The following DLG2 variants were observed in gnomAD, a reference collection of about 807,000 sequenced individuals.
The protein encoded by DLG2 is disks large homolog 2.
Under a neutral mutation model 132.5 loss-of-function variants are expected in DLG2, and 45 were observed. The observed-to-expected ratio is 0.34, with a 90% CI of 0.27 to 0.44. The LOEUF (loss-of-function observed/expected upper bound fraction) is 0.44. DLG2 is among the 20% of genes least tolerant of loss of function. The pLI is 1.00. For missense variants in DLG2, 1,045 were observed against 1,196.9 expected (o/e 0.87, Z 1.87); for synonymous variants, 424 against 419.6 (o/e 1.01, Z -0.13).
At chr11:85,562,297 CA>C (rs2077297855) in intron 3 of DLG2, among the ~76,000 whole-genome samples, 1 of 151,594 alleles carries the variant, frequency 6.6e-6, no homozygotes, top group Admixed American at 6.6e-5. Context: ...CTGAAAAGAA[CA>C]AGTTTTAAAT....
chr11:84,205,692 C>G (rs1462201555), intron 8 of DLG2, among the ~76,000 whole-genome samples: 1 of 151,890 alleles, frequency 6.6e-6, no homozygotes. Context: ...TTGGACTCAG[C>G]TAAAGTGGTG....
At chr11:83,703,224 T>C (rs972785819) in intron 18 of DLG2, among the ~76,000 whole-genome samples, 4 of 152,168 alleles carry the variant, frequency 2.6e-5, no homozygotes, top group African/African-American at 9.7e-5. Context: ...ATCACACAAA[T>C]TCTATAATCT....
intron 6 of DLG2, among the ~76,000 whole-genome samples, chr11:84,979,852 C>A (rs991381224): frequency 2.0e-5 from 3 of 151,790 alleles, no homozygotes; most frequent in African/African-American, 7.3e-5. Context: ...AAAAACTAGG[C>A]TTTGTTATTG....
intron 7 of DLG2, among the ~76,000 whole-genome samples, chr11:84,511,686 T>A (rs1591259681): frequency 6.6e-6 from 1 of 152,154 alleles, no homozygotes; most frequent in Admixed American, 6.6e-5. Flanking sequence ...AAGTAACCAC[T>A]GAGGAGTCTA....
At chr11:85,608,088 G>C (rs771682330) in intron 2 of DLG2, among the ~76,000 whole-genome samples, 2 of 152,178 alleles carry the variant, frequency 1.3e-5, no homozygotes, top group Non-Finnish European at 2.9e-5. Context: ...TGTGGTCTAG[G>C]AGGAAAACTA....
intron 3 of DLG2, among the ~76,000 whole-genome samples, chr11:85,487,065 C>T (rs1477832871): frequency 6.8e-6 from 1 of 147,644 alleles, no homozygotes; most frequent in Non-Finnish European, 1.5e-5. Context: ...ACAGAGATCA[C>T]ACTACTTGCT....
At chr11:83,650,482 A>T (rs2069865999) in intron 18 of DLG2, among the ~76,000 whole-genome samples, 1 of 152,312 alleles carries the variant, frequency 6.6e-6, no homozygotes, top group African/African-American at 2.4e-5. Flanking sequence ...AGCCTTGCTC[A>T]CACCTTGACT....
intron 4 of DLG2, among the ~76,000 whole-genome samples, chr11:85,248,575 T>C (rs1387024380): frequency 6.6e-6 from 1 of 151,846 alleles, no homozygotes; most frequent in Non-Finnish European, 1.5e-5. Flanking sequence ...TCTGAGGTGG[T>C]TGTGTTAGGG....
At chr11:84,999,942 A>T (rs1255089095) in intron 6 of DLG2, among the ~76,000 whole-genome samples, 1 of 152,104 alleles carries the variant, frequency 6.6e-6, no homozygotes, top group Admixed American at 6.6e-5. Context: ...AAAATTCAAG[A>T]ATTTATTCAC....
chr11:85,393,083 AAAC>A (rs2086946050), intron 3 of DLG2, among the ~76,000 whole-genome samples: 1 of 152,120 alleles, frequency 6.6e-6, no homozygotes, highest in African/African-American at 2.4e-5. Flanking sequence ...TACATCCAAC[AAAC>A]AACTAATATC....
At chr11:85,092,648 T>G (rs1387116536) in intron 6 of DLG2, among the ~76,000 whole-genome samples, 7 of 151,616 alleles carry the variant, frequency 4.6e-5, no homozygotes, top group Non-Finnish European at 2.9e-5. Flanking sequence ...CGTGACTTTT[T>G]TTTTTTTTTT....
intron 6 of DLG2, among the ~76,000 whole-genome samples, chr11:84,817,491 T>C (rs1402704413): frequency 1.3e-5 from 2 of 151,962 alleles, no homozygotes. Context: ...TTCTTAAGCT[T>C]ACATCTCAGA....
chr11:84,525,800 T>C (rs1029065759), intron 7 of DLG2, among the ~76,000 whole-genome samples: 1 of 152,228 alleles, frequency 6.6e-6, no homozygotes, highest in Admixed American at 6.5e-5. Context: ...GCCCACTCTA[T>C]GCCCCTTTCC....
At chr11:84,192,291 G>C (rs2154291810) in intron 8 of DLG2, among the ~76,000 whole-genome samples, 1 of 152,240 alleles carries the variant, frequency 6.6e-6, no homozygotes, top group Middle Eastern at 3.4e-3. Flanking sequence ...AGATAATTTG[G>C]GGTTTGCTAA....
intron 7 of DLG2, among the ~76,000 whole-genome samples, chr11:84,433,329 G>T (rs926098409): frequency 1.3e-5 from 2 of 152,126 alleles, no homozygotes; most frequent in African/African-American, 4.8e-5. Context: ...ACCAGAAATT[G>T]CACTTTCAAT....
rs146488104 is a variant in DLG2 at position 84,028,478 on chromosome 11, T to C, written c.919+30837A>G. ...TAACACTGATCCTTGAACCATGAAA[T>C]AATTTTTTTTGAACATGAGTGAGTG... On this transcript the variant is annotated intron_variant, in intron 11 of 27. Coordinates refer to ENST00000376104, the MANE Select transcript of DLG2 (RefSeq NM_001142699.3). Among the ~76,000 whole-genome samples, 441 of 140,194 alleles carry C rather than the reference T, an allele frequency of 3.1e-3. 4 individuals are homozygous for C. Among genetic ancestry groups the C allele is most frequent in the Non-Finnish European group, 2.1e-3 (131 of 63,776 alleles). The allele number at this position is 140,194 out of a possible 152,430, so 92.0% of individuals were successfully genotyped here.
intron 6 of DLG2, among the ~76,000 whole-genome samples, chr11:84,836,853 T>C (rs1459641668): frequency 6.9e-6 from 1 of 145,668 alleles, no homozygotes; most frequent in African/African-American, 2.5e-5. Flanking sequence ...CCAGTGTCCA[T>C]AAAGCATATA....
At chr11:85,156,959 G>C (rs1206530218) in intron 4 of DLG2, among the ~76,000 whole-genome samples, 1 of 152,208 alleles carries the variant, frequency 6.6e-6, no homozygotes, top group African/African-American at 2.4e-5. Context: ...GAATATGTCT[G>C]TGAGGTTGTT....
intron 14 of DLG2, among the ~76,000 whole-genome samples, chr11:83,943,330 T>C (rs2154140585): frequency 6.6e-6 from 1 of 152,354 alleles, no homozygotes; most frequent in South Asian, 2.1e-4. Context: ...GTTAGGGATA[T>C]GTATTGGGTA....
Sources: allele counts gnomAD v4.1 joint callset (sites outside exome capture counted in the v4.1 genomes callset), GRCh38; gene constraint gnomAD v4.1.1; transcripts MANE v1.5; gene names NCBI Gene and HGNC (gene_info 2026-07-23, HGNC 2026-07-21).